The following CYFIP2 variants were observed in gnomAD, a reference collection of about 807,000 sequenced individuals.
The protein encoded by CYFIP2 is cytoplasmic FMR1 interacting protein 2.
A neutral mutation model predicts 158.7 loss-of-function variants in CYFIP2; 29 were observed. The observed-to-expected ratio is 0.18, with a 90% CI of 0.14 to 0.25. The LOEUF (loss-of-function observed/expected upper bound fraction) is 0.25. Among genes scored for constraint, CYFIP2 ranks in the 10% least tolerant of loss-of-function variants. The pLI, the probability that CYFIP2 is intolerant of heterozygous loss-of-function variation, is 1.00. For synonymous variants in CYFIP2, 585 were observed against 617.6 expected (o/e 0.95, Z 0.78); for missense variants, 852 against 1,639.5 (o/e 0.52, Z 8.29).
Position 157,314,472 on chromosome 5 carries a change from C to G in CYFIP2, c.1230+9C>G. On this transcript the variant is annotated intron_variant, in intron 12 of 30. Transcript: ENST00000620254. ...CCCACGTCATGGAGGTGGTAGGTGT[C>G]TCTGGGTAGAGGGCCTCACACTGAC... 1 of 1,613,010 alleles carries G rather than the reference C, an allele frequency of 6.2e-7. No individual in the cohort carries two copies. Among genetic ancestry groups the G allele is most frequent in the African/African-American group, 1.3e-5 (1 of 75,034 alleles).
intron 8 of CYFIP2, 68 bp downstream of exon 8, chr5:157,304,434 T>A (rs547512887): frequency 6.6e-7 from 1 of 1,520,974 alleles, no homozygotes; most frequent in South Asian, 1.3e-5. Context: ...TTATTAAAAA[T>A]CCGTTTTAAA....
intron 3 of CYFIP2, among the ~76,000 whole-genome samples, chr5:157,293,300 C>T (rs1451390885): frequency 1.3e-5 from 2 of 152,158 alleles, no homozygotes; most frequent in Non-Finnish European, 2.9e-5. Context: ...AGATGATCCA[C>T]CGGCTTCAGC....
At chr5:157,281,179 G>A (rs1252494675) in intron 1 of CYFIP2, among the ~76,000 whole-genome samples, 1 of 152,110 alleles carries the variant, frequency 6.6e-6, no homozygotes, top group Non-Finnish European at 1.5e-5. Flanking sequence ...CTGTGAGTTG[G>A]CGTCAAAGGC....
intron 28 of CYFIP2, among the ~76,000 whole-genome samples, chr5:157,385,264 T>G (rs1766562932): frequency 6.6e-6 from 1 of 152,256 alleles, no homozygotes; most frequent in Non-Finnish European, 1.5e-5. Flanking sequence ...AATCTCAGTC[T>G]GTCAAATGCC....
At chr5:157,378,711 G>A (rs1228662396) in intron 26 of CYFIP2, among the ~76,000 whole-genome samples, 1 of 152,172 alleles carries the variant, frequency 6.6e-6, no homozygotes, top group African/African-American at 2.4e-5. Context: ...TGGGGACAGT[G>A]AGCCCTATCT....
At chr5:157,382,716 C>T (rs1312263958) in intron 27 of CYFIP2, 54 bp downstream of exon 27, 7 of 1,555,256 alleles carry the variant, frequency 4.5e-6, no homozygotes, top group African/African-American at 2.7e-5. Flanking sequence ...ACCTTATTCT[C>T]ACTTCCTAAT....
chr5:157,309,677 GGCAGCGAAGGCAGCCA>G, intron 9 of CYFIP2, 50 bp from the exon 10 acceptor site: 1 of 1,420,322 alleles, frequency 7.0e-7, no homozygotes, highest in Non-Finnish European at 9.7e-7. Flanking sequence ...ACAGTGGGGT[GGCAGCGAAGGCAGCCA>G]CCCCAACCCC....
At chr5:157,348,692 G>A (rs181540250) in intron 23 of CYFIP2, among the ~76,000 whole-genome samples, 72 of 151,488 alleles carry the variant, frequency 4.8e-4, no homozygotes, top group African/African-American at 1.6e-3. Flanking sequence ...GATTACAGGC[G>A]TGAGCCACTG....
At chr5:157,386,081 A>T (rs1173502082) in intron 28 of CYFIP2, among the ~76,000 whole-genome samples, 1 of 152,250 alleles carries the variant, frequency 6.6e-6, no homozygotes, top group Non-Finnish European at 1.5e-5. Context: ...AACTCACAAC[A>T]TAAAAAAATA....
At position 157,394,453 on chromosome 5, in the gene CYFIP2, G is replaced by C. The variant is rs984876995; in HGVS notation, c.*1453G>C. 1 of 152,230 alleles carries C rather than the reference G, an allele frequency of 6.6e-6. No homozygotes were observed. The highest frequency in any genetic ancestry group is 1.5e-5 in the Non-Finnish European group (1 of 68,034). 9.4% of individuals were successfully genotyped at this position (152,230 alleles called of 1,614,324 possible). ...ACCCCAAAGGAAGTGCCCACAGCAA[G>C]AGGTTTGTGTGATGCACTTATGTCC... On this transcript the variant is annotated 3_prime_UTR_variant, in exon 31 of 31. Transcript: ENST00000620254.
intron 11 of CYFIP2, among the ~76,000 whole-genome samples, chr5:157,312,178 A>C (rs887240985): frequency 6.6e-6 from 1 of 152,182 alleles, no homozygotes; most frequent in Non-Finnish European, 1.5e-5. Flanking sequence ...ACTCGTACTC[A>C]TAACGCTACC....
rs1171593312 is a variant in CYFIP2 at position 157,285,389 on chromosome 5, G to T, written c.28G>T (p.Ala10Ser). Residue 10 changes from alanine to serine, a missense_variant, in exon 2 of 31, where the codon GCC becomes TCC. Transcript: ENST00000620254. ...GACCACGCACGTCACCCTGGAAGATGCCCTGTCCAACGTGGACCTGCTTGA... is the reference window on the plus strand; with the variant it reads ...GACCACGCACGTCACCCTGGAAGATTCCCTGTCCAACGTGGACCTGCTTGA... MTTHVTLED[A>S]LSNVDLLEEL... The T allele has an allele frequency of 2.5e-6, 4 of 1,576,702 alleles. No individual in the cohort carries two copies. The highest frequency in any genetic ancestry group is 3.4e-6 in the Non-Finnish European group (4 of 1,161,460).
chr5:157,378,584 G>A (rs111969563), intron 26 of CYFIP2, among the ~76,000 whole-genome samples: 11 of 152,288 alleles, frequency 7.2e-5, no homozygotes, highest in South Asian at 2.1e-4. Context: ...AACGGGTGTC[G>A]AAGTGGAGTG....
At chr5:157,382,451 G>A (rs898498871) in intron 26 of CYFIP2, 139 bp from the exon 27 acceptor site, 2 of 769,776 alleles carry the variant, frequency 2.6e-6, no homozygotes, top group Non-Finnish European at 4.3e-6. Flanking sequence ...TAAGTAACTT[G>A]CCCAAGGTCA....
chr5:157,383,396 G>A lies in CYFIP2; in HGVS notation c.3207+37G>A, dbSNP rs753935123. ...ATATAATAAATGGGCTCTGATCACT[G>A]ACAGGAACTTGAGAGCATTTGACCA... On this transcript the variant is annotated intron_variant, in intron 28 of 30. Transcript: ENST00000620254. 1.3e-5 allele frequency: 21 copies of A among 1,576,854 alleles called. No homozygotes were observed. The African/African-American group carries it at 2.8e-4, about 21-fold the overall frequency.
At chr5:157,314,582 G>A (rs1195056116) in intron 12 of CYFIP2, 119 bp downstream of exon 12, 17 of 1,350,636 alleles carry the variant, frequency 1.3e-5, no homozygotes, top group South Asian at 4.7e-5. Context: ...CGTACCATAC[G>A]ATTTACCCAT....
intron 26 of CYFIP2, among the ~76,000 whole-genome samples, chr5:157,371,301 G>T (rs917571773): frequency 6.6e-6 from 1 of 152,126 alleles, no homozygotes; most frequent in Non-Finnish European, 1.5e-5. Context: ...TCCAAGCAGC[G>T]ATCCCTGTGG....
At chr5:157,343,436 G>C in intron 23 of CYFIP2, 2 of 1,614,080 alleles carry the variant, frequency 1.2e-6, no homozygotes, top group South Asian at 2.2e-5. Flanking sequence ...GTTCCAGTTG[G>C]GCCTGTACAT....
chr5:157,334,533 A>G (rs189140352), intron 21 of CYFIP2, among the ~76,000 whole-genome samples: 86 of 152,340 alleles, frequency 5.6e-4, no homozygotes, highest in African/African-American at 1.9e-3. Flanking sequence ...TGACTCTACA[A>G]TGGAGAAAAT....
Sources: allele counts gnomAD v4.1 joint callset (sites outside exome capture counted in the v4.1 genomes callset), GRCh38; gene constraint gnomAD v4.1.1; transcripts MANE v1.5; gene names NCBI Gene and HGNC (gene_info 2026-07-23, HGNC 2026-07-21).